The following IL1RAPL2 variants were observed in gnomAD, a reference collection of about 807,000 sequenced individuals.
IL1RAPL2 encodes interleukin 1 receptor accessory protein like 2.
A neutral mutation model predicts 44.1 loss-of-function variants in IL1RAPL2; 3 were observed. That is an observed-to-expected ratio of 0.07 (90% CI 0.03 to 0.18). The LOEUF (loss-of-function observed/expected upper bound fraction) is 0.18, where lower values mean the gene tolerates loss of function less well. IL1RAPL2 is among the 10% of genes least tolerant of loss of function. IL1RAPL2 has a pLI of 1.00. For missense variants in IL1RAPL2, 391 were observed against 496.4 expected (o/e 0.79, Z 2.02); for synonymous variants, 181 against 178.8 (o/e 1.01, Z -0.10).
chrX:104,879,275 T>C (rs867228193), intron 2 of IL1RAPL2, among the ~76,000 whole-genome samples: 2 of 107,630 alleles, frequency 1.9e-5, no homozygotes, highest in African/African-American at 6.8e-5. Flanking sequence ...TAACCTTTCT[T>C]TTTATGTTTT....
At chrX:105,588,256 G>C (rs1490223615) in intron 6 of IL1RAPL2, among the ~76,000 whole-genome samples, 1 of 111,369 alleles carries the variant, frequency 9.0e-6, no homozygotes, top group Non-Finnish European at 1.9e-5. Context: ...TGTGTAGAAA[G>C]TATACAAGAT....
chrX:104,592,904 T>TA (rs1185913143), intron 1 of IL1RAPL2, among the ~76,000 whole-genome samples: 1 of 111,833 alleles, frequency 8.9e-6, no homozygotes, highest in Admixed American at 9.6e-5. Flanking sequence ...GAGGAAAGAA[T>TA]ATTTGAAATG....
chrX:105,590,848 T>TG (rs550484318), intron 6 of IL1RAPL2, among the ~76,000 whole-genome samples: 1,128 of 97,356 alleles, frequency 0.012, 23 homozygotes, highest in African/African-American at 0.048. Flanking sequence ...TGTGTGTGTG[T>TG]TTGTGTGTGT....
At chrX:105,634,031 G>A (rs887661166) in intron 6 of IL1RAPL2, among the ~76,000 whole-genome samples, 1 of 110,724 alleles carries the variant, frequency 9.0e-6, no homozygotes, top group Non-Finnish European at 1.9e-5. Flanking sequence ...ATCTTCTAAT[G>A]TTCTCCCTGA....
At chrX:104,855,559 C>A (rs1215392294) in intron 2 of IL1RAPL2, among the ~76,000 whole-genome samples, 4 of 110,368 alleles carry the variant, frequency 3.6e-5, no homozygotes, top group Non-Finnish European at 7.6e-5. Context: ...GAGCCTGAAT[C>A]CTTGAGTATA....
intron 5 of IL1RAPL2, among the ~76,000 whole-genome samples, chrX:105,362,366 CAGG>C (rs1277573659): frequency 9.0e-6 from 1 of 111,271 alleles, no homozygotes; most frequent in Non-Finnish European, 1.9e-5. Context: ...TTTTATCGTG[CAGG>C]AGATTGATTG....
intron 5 of IL1RAPL2, among the ~76,000 whole-genome samples, chrX:105,418,945 C>G (rs1252531107): frequency 8.9e-6 from 1 of 112,253 alleles, no homozygotes; most frequent in Non-Finnish European, 1.9e-5. Flanking sequence ...CTGGTTTACT[C>G]TGCAAACATT....
chrX:104,623,043 T>C (rs1049087381), intron 1 of IL1RAPL2, among the ~76,000 whole-genome samples: 2 of 111,172 alleles, frequency 1.8e-5, no homozygotes, highest in Non-Finnish European at 3.8e-5. Flanking sequence ...TGTTTGAAAC[T>C]GAAGCATTTT....
intron 2 of IL1RAPL2, among the ~76,000 whole-genome samples, chrX:105,034,856 C>G (rs142543704): frequency 8.9e-6 from 1 of 112,373 alleles, no homozygotes; most frequent in Non-Finnish European, 1.9e-5. Flanking sequence ...CCTACAGAAT[C>G]AGGAAGGCCT....
At chrX:104,912,237 A>G (rs1924264385) in intron 2 of IL1RAPL2, among the ~76,000 whole-genome samples, 1 of 109,590 alleles carries the variant, frequency 9.1e-6, no homozygotes, top group African/African-American at 3.3e-5. Context: ...CTAAATATAT[A>G]TTGCATGAAT....
At chrX:104,743,244 G>T (rs1477669446) in intron 2 of IL1RAPL2, among the ~76,000 whole-genome samples, 2 of 109,860 alleles carry the variant, frequency 1.8e-5, no homozygotes, top group African/African-American at 3.3e-5. Flanking sequence ...AGTTATTATT[G>T]CACTTATGTT....
At chrX:104,999,208 C>T (rs1405364051) in intron 2 of IL1RAPL2, among the ~76,000 whole-genome samples, 1 of 111,551 alleles carries the variant, frequency 9.0e-6, no homozygotes. Context: ...AGATGCAGCT[C>T]TTTAATTGGA....
At chrX:105,402,049 A>G (rs1315300409) in intron 5 of IL1RAPL2, among the ~76,000 whole-genome samples, 1 of 111,302 alleles carries the variant, frequency 9.0e-6, no homozygotes, top group Non-Finnish European at 1.9e-5. Flanking sequence ...TGTTTTGTTC[A>G]TGGGACATGT....
chrX:104,632,893 G>A (rs921516341), intron 1 of IL1RAPL2, among the ~76,000 whole-genome samples: 5 of 111,284 alleles, frequency 4.5e-5, no homozygotes, highest in African/African-American at 1.6e-4. Context: ...TAGGAGTGTT[G>A]AGAGAGGGCA....
At chrX:104,747,113 T>A (rs917617364) in intron 2 of IL1RAPL2, among the ~76,000 whole-genome samples, 2 of 111,065 alleles carry the variant, frequency 1.8e-5, no homozygotes, top group Non-Finnish European at 3.8e-5. Flanking sequence ...TTCCTTCTTT[T>A]CTCATGTCTT....
intron 5 of IL1RAPL2, among the ~76,000 whole-genome samples, chrX:105,353,874 G>A (rs761037046): frequency 6.3e-5 from 7 of 111,445 alleles, no homozygotes; most frequent in African/African-American, 2.3e-4. Context: ...CATGTCATCT[G>A]CAAACAGGGA....
chrX:105,149,260 G>A (rs2033204593), intron 2 of IL1RAPL2, among the ~76,000 whole-genome samples: 1 of 111,580 alleles, frequency 9.0e-6, no homozygotes. Context: ...TTTCACTTGA[G>A]TAACCTGAGG....
chrX:105,752,366 G>T (rs776028614), intron 9 of IL1RAPL2, among the ~76,000 whole-genome samples: 1 of 112,356 alleles, frequency 8.9e-6, no homozygotes, highest in African/African-American at 3.2e-5. Context: ...AACAGGATTC[G>T]AATCAGATTT....
At chrX:105,174,757 C>A (rs1353155992) in intron 2 of IL1RAPL2, among the ~76,000 whole-genome samples, 2 of 111,634 alleles carry the variant, frequency 1.8e-5, no homozygotes, top group Non-Finnish European at 3.8e-5. Flanking sequence ...TCACCCTGTA[C>A]GCTCTGGCTG....
Sources: gnomAD v4.1 joint callset for allele counts (sites outside exome capture counted in the v4.1 genomes callset) on GRCh38, gnomAD v4.1.1 for gene constraint, MANE v1.5 for transcripts, NCBI Gene and HGNC (gene_info 2026-07-23, HGNC 2026-07-21) for gene names.